Variants in TPX2 observed in about 807,000 individuals in gnomAD.
The protein encoded by TPX2 is TPX2 microtubule nucleation factor, also known as targeting protein for Xklp2.
In TPX2, 21 loss-of-function variants were observed where a neutral mutation model predicts 93.6. The ratio of observed to expected loss-of-function variants is 0.22; its 90% confidence interval spans 0.16 to 0.32. TPX2 has a LOEUF of 0.32. Ranked by LOEUF, TPX2 falls within the 10% of genes least tolerant of loss-of-function variation. The pLI is 1.00. For synonymous variants in TPX2, 281 were observed against 298.3 expected (o/e 0.94, Z 0.60); for missense variants, 776 against 871.1 (o/e 0.89, Z 1.37).
chr20:31,759,578 T>G (rs981902920), intron 3 of TPX2, among the ~76,000 whole-genome samples: 1 of 151,994 alleles, frequency 6.6e-6, no homozygotes, highest in African/African-American at 2.4e-5. Context: ...TTTTTGTATT[T>G]TAGTAGAGAC....
In TPX2 at chr20:31,771,668, T is replaced by C. The variant is rs764868274; in HGVS notation, c.594T>C (p.Cys198=). 7 of 1,603,240 alleles carry C rather than the reference T, an allele frequency of 4.4e-6. No individual in the cohort carries two copies. Among genetic ancestry groups the C allele is most frequent in the Non-Finnish European group, 5.9e-6 (7 of 1,177,450 alleles). The change falls in exon 7 of 18, where the codon TGT becomes TGC. Residue 198 remains cysteine, a synonymous_variant. Transcript: ENST00000300403. ...EKAKGRHTVP[C]MPPAKQKFLK... Reference sequence around the variant, plus strand: ...CCAAGGGTAGACATACTGTGCCTTGTATGCCACCTGCAAAGTAAGTTTCTT... The same window carrying C: ...CCAAGGGTAGACATACTGTGCCTTGCATGCCACCTGCAAAGTAAGTTTCTT...
intron 2 of TPX2, among the ~76,000 whole-genome samples, chr20:31,744,655 C>T (rs538328395): frequency 1.2e-4 from 19 of 152,208 alleles, no homozygotes; most frequent in African/African-American, 4.6e-4. Flanking sequence ...GCCTTAGCCT[C>T]TCGAGTTGCT....
intron 4 of TPX2, among the ~76,000 whole-genome samples, chr20:31,762,503 C>A (rs1404848167): frequency 2.6e-5 from 4 of 152,198 alleles, no homozygotes; most frequent in South Asian, 2.1e-4. Flanking sequence ...GCGCGCACCA[C>A]CACACCCAGC....
rs571081222 is a variant in TPX2, at chr20:31,754,025, C to CAAACA, written c.-70-3368_-70-3364dup. 3.5e-3 allele frequency among the ~76,000 whole-genome samples: 531 copies of CAAACA among 152,128 alleles called. 4 individuals are homozygous for CAAACA. The highest frequency in any genetic ancestry group is 0.012 in the African/African-American group (503 of 41,504). On this transcript the variant is annotated intron_variant, in intron 2 of 17. Coordinates refer to ENST00000300403, the MANE Select transcript of TPX2 (RefSeq NM_012112.5). ...TGGGCGACAGAGCAAGACACCATCT[C>CAAACA]AAACAAAACAAAACAAAAACAACAA...
intron 6 of TPX2, among the ~76,000 whole-genome samples, chr20:31,771,072 C>T (rs1377111664): frequency 2.0e-5 from 3 of 152,094 alleles, no homozygotes; most frequent in Admixed American, 1.3e-4. Flanking sequence ...GCATCTATAT[C>T]AGGAAACTTA....
chr20:31,764,100 C>T (rs6060933), intron 4 of TPX2, among the ~76,000 whole-genome samples: 55,972 of 150,370 alleles, frequency 0.37, 12,507 homozygotes, highest in African/African-American at 0.63. Flanking sequence ...TATGTACATA[C>T]ATCTAATATA....
In TPX2 at chr20:31,744,857, C is replaced by G. The variant is rs8126355; in HGVS notation, c.-71+2210C>G. ...TCCCAGCACTCTGAGGAGGCTGAGG[C>G]GGGCAGATCACCTGAGGTCAGGAGT... On this transcript the variant is annotated intron_variant, in intron 2 of 17. Coordinates refer to ENST00000300403, the MANE Select transcript of TPX2 (RefSeq NM_012112.5). Among the ~76,000 whole-genome samples the G allele has an allele frequency of 2.0e-5, 3 of 152,084 alleles. No individual in the cohort carries two copies. In the South Asian group the frequency reaches 6.2e-4, roughly 32 times the overall value.
chr20:31,769,926 T>C (rs2061954192), intron 5 of TPX2, among the ~76,000 whole-genome samples: 1 of 152,152 alleles, frequency 6.6e-6, no homozygotes, highest in South Asian at 2.1e-4. Context: ...GCTTCCTAAG[T>C]ATCTAGCACC....
intron 12 of TPX2, among the ~76,000 whole-genome samples, chr20:31,784,806 T>G (rs536440042): frequency 3.9e-5 from 6 of 152,284 alleles, no homozygotes; most frequent in Middle Eastern, 6.8e-3. Flanking sequence ...AGTCAGAGAA[T>G]AAGCAATGGA....
chr20:31,783,262 T>G (rs1262831795), intron 11 of TPX2, among the ~76,000 whole-genome samples: 1 of 151,722 alleles, frequency 6.6e-6, no homozygotes, highest in African/African-American at 2.4e-5. Context: ...ATTTATTTAT[T>G]TTTTTTGAGA....
intron 2 of TPX2, among the ~76,000 whole-genome samples, chr20:31,746,094 C>G (rs1291524949): frequency 6.6e-6 from 1 of 152,158 alleles, no homozygotes; most frequent in Non-Finnish European, 1.5e-5. Context: ...GTGCTGACTT[C>G]TGAGTGTTGG....
In TPX2 at chr20:31,766,454, G is replaced by GGTGTGTGTGT. The variant is rs35700111; in HGVS notation, c.230-69_230-60dup. On this transcript the variant is annotated intron_variant, in intron 4 of 17. Coordinates refer to ENST00000300403, the MANE Select transcript of TPX2 (RefSeq NM_012112.5). ...ACTAAGGTTTCTGTGGCTTAGACAG[G>GGTGTGTGTGT]GTGTGTGTGTGTGTGTGTGTGTGTG... 1,226 of 720,566 alleles carry GGTGTGTGTGT rather than the reference G, an allele frequency of 1.7e-3. 6 individuals are homozygous for GGTGTGTGTGT. In the African/African-American group the frequency reaches 0.018, roughly 11 times the overall value. 44.6% of individuals were successfully genotyped at this position (720,566 alleles called of 1,614,324 possible).
chr20:31,798,608 T>C lies in TPX2; in HGVS notation c.2133+56T>C, dbSNP rs2062152277. The C allele has an allele frequency of 2.7e-6, 4 of 1,506,062 alleles. No homozygotes were observed. The African/African-American group carries it at 5.6e-5, about 21-fold the overall frequency. 93.3% of individuals were successfully genotyped at this position (1,506,062 alleles called of 1,614,324 possible). A position where few individuals can be genotyped will look rare whatever the true frequency, so the allele number is the denominator to read the frequency against. On this transcript the variant is annotated intron_variant, in intron 17 of 17. Transcript: ENST00000300403. The stretch of plus-strand genomic sequence containing the variant: ...AAACATGCCTCTGTTTTATTTTACC[T>C]GTACCTTACCTTGTACCAGACAGGA...
chr20:31,798,108 A>T (rs146919751), intron 16 of TPX2, among the ~76,000 whole-genome samples: 42 of 152,332 alleles, frequency 2.8e-4, no homozygotes, highest in African/African-American at 8.9e-4. Context: ...AAAATCAATC[A>T]CTATATAGTT....
intron 7 of TPX2, among the ~76,000 whole-genome samples, chr20:31,773,671 CT>C (rs1475950016): frequency 1.3e-5 from 2 of 151,810 alleles, no homozygotes; most frequent in Non-Finnish European, 2.9e-5. Flanking sequence ...AAAATTGTTT[CT>C]TTTTTTAAAT....
intron 4 of TPX2, among the ~76,000 whole-genome samples, chr20:31,764,724 T>G (rs922048373): frequency 1.3e-5 from 2 of 152,190 alleles, no homozygotes; most frequent in African/African-American, 4.8e-5. Flanking sequence ...TATTATTTTG[T>G]GTGTGCGTGT....
At chr20:31,797,313 G>A in intron 15 of TPX2, 91 bp from the exon 16 acceptor site, 1 of 1,109,062 alleles carries the variant, frequency 9.0e-7, no homozygotes, top group East Asian at 2.4e-5. Context: ...TTTTATTGAT[G>A]AAGCAGTTCA....
At chr20:31,751,377 G>A (rs965453272) in intron 2 of TPX2, among the ~76,000 whole-genome samples, 1 of 151,918 alleles carries the variant, frequency 6.6e-6, no homozygotes, top group Admixed American at 6.6e-5. Flanking sequence ...TAAGATCATG[G>A]GAATCCAAGA....
At chr20:31,793,392 T>C (rs1006279188) in intron 13 of TPX2, among the ~76,000 whole-genome samples, 5 of 152,212 alleles carry the variant, frequency 3.3e-5, no homozygotes, top group African/African-American at 1.2e-4. Flanking sequence ...TAAGCCTTTT[T>C]ATAGGTTCAT....
Sources: allele counts gnomAD v4.1 joint callset (sites outside exome capture counted in the v4.1 genomes callset), GRCh38; gene constraint gnomAD v4.1.1; transcripts MANE v1.5; gene names NCBI Gene and HGNC (gene_info 2026-07-23, HGNC 2026-07-21).